The following DIP2B variants were observed in gnomAD, a reference collection of about 807,000 sequenced individuals.
The protein encoded by DIP2B is disco-interacting protein 2 homolog B.
DIP2B carries 76 observed loss-of-function variants against 198.0 expected under a neutral mutation model. The observed-to-expected ratio is 0.38, with a 90% confidence interval of 0.32 to 0.46. The LOEUF is 0.46. Ranked by LOEUF, DIP2B falls within the 20% of genes least tolerant of loss-of-function variation. The pLI, the probability that DIP2B is intolerant of heterozygous loss-of-function variation, is 0.99. For synonymous variants in DIP2B, 701 were observed against 739.1 expected, an observed-to-expected ratio of 0.95 and a Z score of 0.84; for missense variants, 1,559 against 1,978.4, an observed-to-expected ratio of 0.79 and a Z score of 4.02.
chr12:50,595,686 C>T (rs1958872555), intron 1 of DIP2B, among the ~76,000 whole-genome samples: 1 of 152,160 alleles, frequency 6.6e-6, no homozygotes, highest in African/African-American at 2.4e-5. Context: ...ATACATGTTC[C>T]TCTAGAACAG....
intron 1 of DIP2B, among the ~76,000 whole-genome samples, chr12:50,616,769 C>CTA (rs1310174451): frequency 1.3e-5 from 2 of 152,082 alleles, no homozygotes; most frequent in East Asian, 1.9e-4. Flanking sequence ...TGGGCAGCTG[C>CTA]TATATATATT....
chr12:50,620,317 C>T (rs964741148), intron 1 of DIP2B, among the ~76,000 whole-genome samples: 2 of 152,238 alleles, frequency 1.3e-5, no homozygotes, highest in African/African-American at 4.8e-5. Flanking sequence ...TTGTGGGCCA[C>T]TTGTGCCAAG....
At chr12:50,619,989 A>G (rs1327442079) in intron 1 of DIP2B, among the ~76,000 whole-genome samples, 1 of 152,178 alleles carries the variant, frequency 6.6e-6, no homozygotes, top group Non-Finnish European at 1.5e-5. Context: ...TGAGCCCACA[A>G]GTGAGCCATG....
At chr12:50,711,625 G>A (rs898759490) in intron 22 of DIP2B, among the ~76,000 whole-genome samples, 14 of 152,036 alleles carry the variant, frequency 9.2e-5, no homozygotes, top group African/African-American at 3.1e-4. Context: ...ACAGTGGCAC[G>A]ATCTCGGCTC....
intron 1 of DIP2B, among the ~76,000 whole-genome samples, chr12:50,608,310 C>A (rs1356834367): frequency 6.6e-6 from 1 of 152,100 alleles, no homozygotes; most frequent in Admixed American, 6.6e-5. Flanking sequence ...TGAAAACTTA[C>A]GTGGAAACAG....
rs954549786 is a variant in DIP2B at position 50,586,220 on chromosome 12, G to A, written c.101-39756G>A. Among the ~76,000 whole-genome samples, 4 of 152,192 alleles carry A rather than the reference G, an allele frequency of 2.6e-5. No homozygotes were observed. In the South Asian group the frequency reaches 8.3e-4, roughly 32 times the overall value. ...CAAAATGGTAAAAAAAATTACAAAG[G>A]AGGTGAGCATTCAAACAAAAATAAG... On this transcript the variant is annotated intron_variant, in intron 1 of 37. Coordinates refer to ENST00000301180, the MANE Select transcript of DIP2B (RefSeq NM_173602.3).
chr12:50,535,655 A>C (rs912061868), intron 1 of DIP2B, among the ~76,000 whole-genome samples: 3 of 151,466 alleles, frequency 2.0e-5, no homozygotes, highest in Admixed American at 1.3e-4. Context: ...ACAGATGTGA[A>C]CCACCACGTC....
chr12:50,629,947 ATTTTT>A (rs544878687), intron 2 of DIP2B, among the ~76,000 whole-genome samples: 5 of 127,194 alleles, frequency 3.9e-5, no homozygotes, highest in Non-Finnish European at 8.6e-5. Context: ...GGTAAATTTA[ATTTTT>A]TTTTTTTTTT....
At chr12:50,521,049 A>G (rs960702436) in intron 1 of DIP2B, among the ~76,000 whole-genome samples, 1 of 149,672 alleles carries the variant, frequency 6.7e-6, no homozygotes, top group East Asian at 2.0e-4. Context: ...GCTTTAGTCC[A>G]TATTAATCTC....
At chr12:50,730,589 A>G (rs189932823) in intron 30 of DIP2B, among the ~76,000 whole-genome samples, 8 of 151,778 alleles carry the variant, frequency 5.3e-5, no homozygotes, top group Non-Finnish European at 7.4e-5. Context: ...GTTTTGCTCT[A>G]TTACCCAGGC....
rs577366914 is a variant in DIP2B, at chr12:50,697,046, G to A, written c.1934-15G>A. The A allele has an allele frequency of 1.7e-5, 28 of 1,606,266 alleles. 1 individual carries two copies. The South Asian group carries it at 2.8e-4, about 16-fold the overall frequency. On this transcript the variant is annotated splice_polypyrimidine_tract_variant and intron_variant, in intron 16 of 37. Transcript: ENST00000301180. ...CATAATTTCAGCTTCAGGTTGATCT[G>A]TTCCAACTCCTTAGGGTCCGTGTCA...
chr12:50,708,690 A>C, intron 22 of DIP2B, 128 bp downstream of exon 22: 1 of 693,502 alleles, frequency 1.4e-6, no homozygotes, highest in South Asian at 1.8e-5. Context: ...TACTCTGGGT[A>C]CTACTAGCAA....
intron 3 of DIP2B, among the ~76,000 whole-genome samples, chr12:50,647,012 A>C (rs1384207563): frequency 7.6e-6 from 1 of 131,220 alleles, no homozygotes; most frequent in Non-Finnish European, 1.5e-5. Flanking sequence ...AGATGAAAAC[A>C]CAGGAGTTTT....
At chr12:50,670,365 G>A (rs562726701) in intron 4 of DIP2B, among the ~76,000 whole-genome samples, 5 of 151,976 alleles carry the variant, frequency 3.3e-5, no homozygotes, top group Non-Finnish European at 7.4e-5. Context: ...GATTGTTTAC[G>A]CCACTTCATT....
chr12:50,690,236 G>A (rs569775015), intron 12 of DIP2B, among the ~76,000 whole-genome samples: 15 of 152,134 alleles, frequency 9.9e-5, no homozygotes, highest in African/African-American at 2.9e-4. Context: ...ACAGGCGCCC[G>A]CCACTACGCC....
intron 1 of DIP2B, among the ~76,000 whole-genome samples, chr12:50,578,729 C>T (rs183507774): frequency 1.0e-3 from 156 of 151,584 alleles, no homozygotes; most frequent in Non-Finnish European, 1.7e-3. Context: ...AGGATGGTCT[C>T]GATCTCCTGA....
chr12:50,606,725 C>A (rs955106383), intron 1 of DIP2B, among the ~76,000 whole-genome samples: 1 of 151,656 alleles, frequency 6.6e-6, no homozygotes, highest in Admixed American at 6.6e-5. Flanking sequence ...CCAACTCTTG[C>A]GTTCAAGCAA....
intron 1 of DIP2B, among the ~76,000 whole-genome samples, chr12:50,590,288 C>T (rs558335577): frequency 6.6e-6 from 1 of 152,184 alleles, no homozygotes; most frequent in Admixed American, 6.5e-5. Flanking sequence ...TGTGTTTCTG[C>T]TTTCTCTCTG....
chr12:50,706,009 AT>A (rs1357907099), intron 20 of DIP2B, among the ~76,000 whole-genome samples: 1 of 152,128 alleles, frequency 6.6e-6, no homozygotes, highest in Non-Finnish European at 1.5e-5. Flanking sequence ...TTGTTTTCTT[AT>A]TGGAAAAGAA....
Sources: allele counts gnomAD v4.1 joint callset (sites outside exome capture counted in the v4.1 genomes callset), GRCh38; gene constraint gnomAD v4.1.1; transcripts MANE v1.5; gene names NCBI Gene and HGNC (gene_info 2026-07-23, HGNC 2026-07-21).